The following ENOX1 variants were observed in gnomAD, a reference collection of about 807,000 sequenced individuals.
ENOX1 encodes candidate growth-related and time keeping constitutive hydroquinone (NADH) oxidase.
ENOX1 carries 42 observed loss-of-function variants against 82.5 expected under a neutral mutation model. The ratio of observed to expected loss-of-function variants is 0.51; its 90% CI spans 0.40 to 0.66. The LOEUF is 0.66. Ranked by LOEUF, ENOX1 falls within the 30% of genes least tolerant of loss-of-function variation. The probability of loss-of-function intolerance (pLI) is 0.00; values close to 1 mark genes in which losing one functional copy is unlikely to be tolerated. For synonymous variants in ENOX1, 271 were observed against 282.2 expected (o/e 0.96, Z 0.40); for missense variants, 608 against 811.6 (o/e 0.75, Z 3.05).
chr13:43,599,964 G>T (rs1252293036), intron 2 of ENOX1, among the ~76,000 whole-genome samples: 1 of 151,790 alleles, frequency 6.6e-6, no homozygotes, highest in Non-Finnish European at 1.5e-5. Flanking sequence ...CCAATCTTGG[G>T]TAATTCATCA....
chr13:43,764,618 C>A (rs1404790377), intron 1 of ENOX1, among the ~76,000 whole-genome samples: 1 of 151,766 alleles, frequency 6.6e-6, no homozygotes, highest in Non-Finnish European at 1.5e-5. Flanking sequence ...AAGATAACAT[C>A]ATGGCTCTCA....
intron 9 of ENOX1, among the ~76,000 whole-genome samples, chr13:43,335,825 T>A (rs1282035585): frequency 2.0e-5 from 3 of 151,738 alleles, no homozygotes; most frequent in Non-Finnish European, 4.4e-5. Context: ...GCAGGCATAG[T>A]GTCCTCCACC....
chr13:43,279,210 T>C (rs925242917), intron 12 of ENOX1, among the ~76,000 whole-genome samples: 2 of 152,154 alleles, frequency 1.3e-5, no homozygotes, highest in African/African-American at 4.8e-5. Context: ...GAGTTATTAA[T>C]CATGATATAC....
intron 3 of ENOX1, among the ~76,000 whole-genome samples, chr13:43,447,245 G>A (rs1166353780): frequency 6.6e-6 from 1 of 152,216 alleles, no homozygotes; most frequent in African/African-American, 2.4e-5. Flanking sequence ...CCAGCACAGT[G>A]CCTGACATAT....
chr13:43,570,792 G>A (rs1176566733), intron 2 of ENOX1, among the ~76,000 whole-genome samples: 1 of 152,134 alleles, frequency 6.6e-6, no homozygotes, highest in Non-Finnish European at 1.5e-5. Context: ...GGGATGGAAA[G>A]GTGTGGTGAG....
chr13:43,486,420 C>A (rs919903542), intron 2 of ENOX1, among the ~76,000 whole-genome samples: 2 of 151,826 alleles, frequency 1.3e-5, no homozygotes, highest in African/African-American at 4.8e-5. Flanking sequence ...AACAAAAAAA[C>A]CAACAACCAA....
intron 5 of ENOX1, among the ~76,000 whole-genome samples, chr13:43,396,958 G>A (rs1025587858): frequency 6.6e-6 from 1 of 152,172 alleles, no homozygotes; most frequent in African/African-American, 2.4e-5. Flanking sequence ...ATAGAGCAGG[G>A]TAGGAGCAAT....
chr13:43,474,516 C>T (rs2058200357), intron 3 of ENOX1, among the ~76,000 whole-genome samples: 1 of 152,142 alleles, frequency 6.6e-6, no homozygotes, highest in Admixed American at 6.6e-5. Flanking sequence ...GTCTTCTCAA[C>T]ACTTTTGGGA....
intron 2 of ENOX1, among the ~76,000 whole-genome samples, chr13:43,588,521 T>C (rs927259236): frequency 6.6e-6 from 1 of 152,208 alleles, no homozygotes; most frequent in African/African-American, 2.4e-5. Flanking sequence ...TGTGGACCAG[T>C]ATGATCTCTA....
chr13:43,651,472 G>A (rs976486509), intron 2 of ENOX1, among the ~76,000 whole-genome samples: 1 of 152,040 alleles, frequency 6.6e-6, no homozygotes, highest in Non-Finnish European at 1.5e-5. Flanking sequence ...AAGGCAGGCA[G>A]ATCACTTGAG....
chr13:43,699,873 T>G (rs1365492450), intron 1 of ENOX1, among the ~76,000 whole-genome samples: 1 of 152,208 alleles, frequency 6.6e-6, no homozygotes, highest in Non-Finnish European at 1.5e-5. Context: ...TTGAAACATA[T>G]GTACAATGTG....
At chr13:43,666,896 A>G (rs1404695385) in intron 2 of ENOX1, among the ~76,000 whole-genome samples, 1 of 152,186 alleles carries the variant, frequency 6.6e-6, no homozygotes, top group Admixed American at 6.5e-5. Context: ...AAAGAAAAAG[A>G]TAGCTCATAT....
intron 1 of ENOX1, among the ~76,000 whole-genome samples, chr13:43,735,169 C>A (rs1202256360): frequency 1.3e-5 from 2 of 152,030 alleles, no homozygotes; most frequent in Non-Finnish European, 2.9e-5. Flanking sequence ...TTATAAAATC[C>A]CCAAATACTC....
chr13:43,397,052 C>T (rs547723917), intron 5 of ENOX1, among the ~76,000 whole-genome samples: 1 of 152,210 alleles, frequency 6.6e-6, no homozygotes, highest in South Asian at 2.1e-4. Context: ...CCTTCCCAGT[C>T]TTCTCCGGTG....
intron 12 of ENOX1, among the ~76,000 whole-genome samples, chr13:43,281,917 A>C (rs1482966124): frequency 6.6e-6 from 1 of 152,186 alleles, no homozygotes; most frequent in Non-Finnish European, 1.5e-5. Context: ...AAGTGACATA[A>C]ATCAGTTGCA....
At chr13:43,570,655 A>G (rs1173182601) in intron 2 of ENOX1, among the ~76,000 whole-genome samples, 1 of 152,106 alleles carries the variant, frequency 6.6e-6, no homozygotes, top group Non-Finnish European at 1.5e-5. Flanking sequence ...TGGAGGCAAA[A>G]GCCCGGGATA....
intron 10 of ENOX1, among the ~76,000 whole-genome samples, chr13:43,325,282 G>A (rs979299618): frequency 1.3e-5 from 2 of 152,132 alleles, no homozygotes; most frequent in African/African-American, 2.4e-5. Context: ...ACCAACCACC[G>A]TAGGCATTAG....
At chr13:43,448,347 A>G (rs1451350858) in intron 3 of ENOX1, among the ~76,000 whole-genome samples, 1 of 152,238 alleles carries the variant, frequency 6.6e-6, no homozygotes, top group Non-Finnish European at 1.5e-5. Context: ...AGGCTTGCCA[A>G]TTTAAATATT....
intron 14 of ENOX1, among the ~76,000 whole-genome samples, chr13:43,245,436 G>C (rs1440585028): frequency 6.6e-6 from 1 of 152,174 alleles, no homozygotes; most frequent in Non-Finnish European, 1.5e-5. Context: ...AGAGGAAAGA[G>C]GAAGCAGAGT....
Sources: allele counts gnomAD v4.1 joint callset (sites outside exome capture counted in the v4.1 genomes callset), GRCh38; gene constraint gnomAD v4.1.1; transcripts MANE v1.5; gene names NCBI Gene and HGNC (gene_info 2026-07-23, HGNC 2026-07-21).